AHNAK: variants seen among roughly 807,000 people sequenced by gnomAD.
AHNAK encodes the protein neuroblast differentiation-associated protein AHNAK.
In AHNAK, 23 loss-of-function variants were observed where a neutral mutation model predicts 37.8. That is an observed-to-expected ratio of 0.61 (90% CI 0.44 to 0.86). AHNAK has a LOEUF of 0.86. Ranked by LOEUF, AHNAK falls within the 40% of genes least tolerant of loss-of-function variation. AHNAK has a pLI of 0.00. For synonymous variants in AHNAK, 2,481 were observed against 2,636.3 expected (o/e 0.94, Z 1.80); for missense variants, 7,411 against 7,319.4 (o/e 1.01, Z -0.46).
chr11:62,475,024 C>T (rs995743509), intron 5 of AHNAK, among the ~76,000 whole-genome samples: 6 of 152,136 alleles, frequency 3.9e-5, no homozygotes, highest in Non-Finnish European at 5.9e-5. Flanking sequence ...GACCCTGGGC[C>T]GGGCACGGTG....
At chr11:62,483,166 C>A (rs1400140014) in intron 5 of AHNAK, among the ~76,000 whole-genome samples, 1 of 152,196 alleles carries the variant, frequency 6.6e-6, no homozygotes, top group Non-Finnish European at 1.5e-5. Context: ...AGGCCCAGGG[C>A]CCAAGGGACG....
rs1159803160 is a variant in AHNAK, at chr11:62,521,985, C to T, written c.12432G>A (p.Lys4144=). Residue 4144 remains lysine (K), a synonymous_variant, in exon 5 of 5, where the codon AAG becomes AAA. Coordinates refer to ENST00000378024, the MANE Select transcript of AHNAK (RefSeq NM_001620.3). ...VDLNLKGPKM[K]GDVDVSLPKV... is the part of the protein sequence containing the mutation. ...TGGGCAGAGAAACGTCCACGTCGCC[C>T]TTCATCTTTGGACCTTTCAGATTCA... 6.2e-7 allele frequency: 1 copy of T among 1,612,732 alleles called. No homozygotes were observed. Among genetic ancestry groups the T allele is most frequent in the African/African-American group, 1.3e-5 (1 of 74,442 alleles).
rs116915997 is a variant in AHNAK at position 62,538,325 on chromosome 11, A to G, written c.-99-1758T>C. On this transcript the variant is annotated intron_variant, in intron 1 of 4. Coordinates refer to ENST00000378024, the MANE Select transcript of AHNAK (RefSeq NM_001620.3). ...ACCAGGCCCTGAGCCAGGCCCTTAT[A>G]GGTGCAAGCATTTAGTAATAAATTC... Among the ~76,000 whole-genome samples the G allele has an allele frequency of 2.0e-4, 30 of 152,292 alleles. No homozygotes were observed. In the East Asian group the frequency reaches 5.6e-3, roughly 28 times the overall value.
rs779543817 is a variant in AHNAK at position 62,519,719 on chromosome 11, T to A, written c.14698A>T (p.Ser4900Cys). Residue 4900 changes from serine (S) to cysteine (C), a missense_variant, in exon 5 of 5, where the codon AGT (serine) becomes TGT (cysteine). Ser to Cys is a moderately radical substitution (Grantham distance 112). Transcript: ENST00000378024. ...LDFEGPDAKL[S>C]GPSLKMPSLE... Reference sequence around the variant, plus strand: ...GATGGCATCTTCAAAGATGGGCCACTGAGTTTGGCATCAGGGCCTTCGAAA... The same window carrying A: ...GATGGCATCTTCAAAGATGGGCCACAGAGTTTGGCATCAGGGCCTTCGAAA... 2 of 1,614,042 alleles carry A rather than the reference T, an allele frequency of 1.2e-6. No homozygotes were observed.
Position 62,532,788 on chromosome 11 carries a change from T to C in AHNAK, c.1629A>G (p.Ile543Met). ...QVALKGSRVD[I>M]ETPNLEGTLT... ...AGGTTCCCTCTAGGTTTGGTGTCTC[T>C]ATGTCCACTCTGGAGCCTTTAAGTG... The change falls in exon 5 of 5, where the codon ATA becomes ATG. Residue 543 changes from isoleucine to methionine, a missense_variant. Coordinates refer to ENST00000378024, the MANE Select transcript of AHNAK (RefSeq NM_001620.3). The C allele has an allele frequency of 6.2e-7, 1 of 1,614,148 alleles. No individual in the cohort carries two copies. The highest frequency in any genetic ancestry group is 8.5e-7 in the Non-Finnish European group (1 of 1,180,000).
chr11:62,513,872 C>T (rs1396070922), downstream of AHNAK, among the ~76,000 whole-genome samples: 1 of 152,218 alleles, frequency 6.6e-6, no homozygotes, highest in African/African-American at 2.4e-5. Context: ...TCACTGGCCT[C>T]GCCATCCCTG....
Position 62,526,762 on chromosome 11 carries a change from T to C in AHNAK, c.7655A>G (p.Asp2552Gly), listed in dbSNP as rs1457337985. 4 of 1,613,976 alleles carry C rather than the reference T, an allele frequency of 2.5e-6. No homozygotes were observed. The Admixed American group carries it at 6.7e-5, about 27-fold the overall frequency. The change falls in exon 5 of 5, where the codon GAT becomes GGT. Residue 2552 changes from aspartate to glycine, a missense_variant. Coordinates refer to ENST00000378024, the MANE Select transcript of AHNAK (RefSeq NM_001620.3). ...SGPKVDIEGP[D>G]VNIEGPEGKL... is the part of the protein sequence containing the mutation. ...TCCCTCTGGTCCTTCAATATTAACA[T>C]CAGGGCCTTCAATGTCCACCTTGGG...
chr11:62,448,093 G>A (rs1938455724), intron 5 of AHNAK, among the ~76,000 whole-genome samples: 1 of 152,110 alleles, frequency 6.6e-6, no homozygotes, highest in Non-Finnish European at 1.5e-5. Flanking sequence ...GGCGACGATG[G>A]TGAACCCTGG....
At chr11:62,495,915 G>T (rs1420976940) in intron 4 of AHNAK, among the ~76,000 whole-genome samples, 3 of 151,714 alleles carry the variant, frequency 2.0e-5, no homozygotes, top group Non-Finnish European at 4.4e-5. Context: ...CAGGCATGGT[G>T]GTATATGCCT....
rs775299161 is a variant in AHNAK at position 62,525,118 on chromosome 11, A to C, written c.9299T>G (p.Leu3100Arg). 6.2e-7 allele frequency: 1 copy of C among 1,614,080 alleles called. No individual in the cohort carries two copies. The highest frequency in any genetic ancestry group is 8.5e-7 in the Non-Finnish European group (1 of 1,180,008). The part of the protein sequence containing the change: ...KISMPDIDLN[L>R]KGPKVKGDMD... ...GTCACCCTTCACTTTGGGACCTTTCAGGTTAAGATCAATGTCAGGCATGGA... is the reference window on the plus strand; with the variant it reads ...GTCACCCTTCACTTTGGGACCTTTCCGGTTAAGATCAATGTCAGGCATGGA... The change falls in exon 5 of 5, where the codon CTG becomes CGG. Residue 3100 changes from leucine to arginine, a missense_variant. By Grantham distance (102) the Leu-to-Arg change is moderately radical. Coordinates refer to ENST00000378024, the MANE Select transcript of AHNAK (RefSeq NM_001620.3).
rs368887087 is a variant in AHNAK, at chr11:62,529,132, C to T, written c.5285G>A (p.Gly1762Glu). The T allele has an allele frequency of 2.5e-6, 4 of 1,613,972 alleles. No individual in the cohort carries two copies. In the East Asian group the frequency reaches 8.9e-5, roughly 36 times the overall value. The change falls in exon 5 of 5, where the codon GGA becomes GAA. Residue 1762 changes from glycine (G) to glutamate (E), a missense_variant. Transcript: ENST00000378024. Reference sequence around the variant, plus strand: ...CTTAAATTTGGAGCCTTTCAACTTTCCTTCTGGTCCCTCAATATCCAAATC... The same window carrying T: ...CTTAAATTTGGAGCCTTTCAACTTTTCTTCTGGTCCCTCAATATCCAAATC... ...APDLDIEGPE[G>E]KLKGSKFKMP...
intron 4 of AHNAK, among the ~76,000 whole-genome samples, chr11:62,497,425 A>G (rs1379597133): frequency 3.3e-5 from 5 of 152,248 alleles, no homozygotes; most frequent in Non-Finnish European, 7.3e-5. Context: ...CCAAGGCCCC[A>G]GACTCTCCCA....
chr11:62,488,903 G>A (rs1939446406), intron 5 of AHNAK, among the ~76,000 whole-genome samples: 1 of 151,996 alleles, frequency 6.6e-6, no homozygotes, highest in African/African-American at 2.4e-5. Context: ...TGGTTCAAAG[G>A]CCCAGGAAGA....
chr11:62,439,306 C>G (rs1938249322), intron 5 of AHNAK, among the ~76,000 whole-genome samples: 1 of 151,856 alleles, frequency 6.6e-6, no homozygotes, highest in Non-Finnish European at 1.5e-5. Context: ...CTGTTTTAGT[C>G]AGGATGGTCT....
chr11:62,477,717 A>G (rs1390168834), intron 5 of AHNAK, among the ~76,000 whole-genome samples: 1 of 151,832 alleles, frequency 6.6e-6, no homozygotes, highest in Non-Finnish European at 1.5e-5. Flanking sequence ...CAGGAGAATC[A>G]CTTGAACCCG....
rs1489538152 is a variant in AHNAK, at chr11:62,525,875, T to C, written c.8542A>G (p.Lys2848Glu). 1 of 1,614,206 alleles carries C rather than the reference T, an allele frequency of 6.2e-7. No individual in the cohort carries two copies. The highest frequency in any genetic ancestry group is 1.7e-5 in the Admixed American group (1 of 60,016). ...PDIDLNLTGP[K>E]IKGDVDVTGP... ...GTAACATCCACATCTCCTTTTATTT[T>C]TGGACCTGTGAGATTCAGGTCAATA... The change falls in exon 5 of 5, where the codon AAA becomes GAA. Residue 2848 changes from lysine to glutamate, a missense_variant. Physicochemically the swap from Lys to Glu is moderately conservative, Grantham distance 56. Transcript: ENST00000378024.
intron 5 of AHNAK, among the ~76,000 whole-genome samples, chr11:62,470,307 A>G (rs1049666030): frequency 3.3e-5 from 5 of 152,226 alleles, no homozygotes; most frequent in East Asian, 3.9e-4. Flanking sequence ...TTAGCCAGGC[A>G]TGGTGGCATG....
chr11:62,445,670 G>A (rs962593645), intron 5 of AHNAK, among the ~76,000 whole-genome samples: 13 of 152,098 alleles, frequency 8.5e-5, no homozygotes, highest in Admixed American at 7.2e-4. Context: ...AGTGACCCAC[G>A]ATTGTACCTC....
At position 62,530,226 on chromosome 11, in the gene AHNAK, T is replaced by C. The variant is rs1940680277; in HGVS notation, c.4191A>G (p.Gly1397=). 1.2e-6 allele frequency: 2 copies of C among 1,612,572 alleles called. No individual in the cohort carries two copies. Among genetic ancestry groups the C allele is most frequent in the African/African-American group, 2.7e-5 (2 of 74,376 alleles). Reference sequence around the variant, plus strand: ...GCTTCACATCCACTTCAGGGCCCTCTCCTTTGAAGCCGGGCATGCTGAACT... The same window carrying C: ...GCTTCACATCCACTTCAGGGCCCTCCCCTTTGAAGCCGGGCATGCTGAACT... ...MPKFSMPGFK[G]EGPEVDVKLP... Residue 1397 remains glycine (G), a synonymous_variant, in exon 5 of 5, where the codon GGA becomes GGG. Coordinates refer to ENST00000378024, the MANE Select transcript of AHNAK (RefSeq NM_001620.3).
Sources: allele counts gnomAD v4.1 joint callset (sites outside exome capture counted in the v4.1 genomes callset), GRCh38; gene constraint gnomAD v4.1.1; transcripts MANE v1.5; gene names NCBI Gene and HGNC (gene_info 2026-07-23, HGNC 2026-07-21).